The following AHCYL2 variants were observed in gnomAD, a reference collection of about 807,000 sequenced individuals.
AHCYL2 encodes the protein adenosylhomocysteinase like 2, also known as S-adenosylhomocysteine hydrolase-like protein 2.
In AHCYL2, 28 loss-of-function variants were observed where a neutral mutation model predicts 81.4. The ratio of observed to expected loss-of-function variants is 0.34; its 90% CI spans 0.25 to 0.47. The LOEUF is 0.47. AHCYL2 is among the 20% of genes least tolerant of loss of function. The pLI is 1.00. For synonymous variants in AHCYL2, 272 were observed against 290.2 expected, an observed-to-expected ratio of 0.94 and a Z score of 0.64; for missense variants, 551 against 785.1, an observed-to-expected ratio of 0.70 and a Z score of 3.56.
chr7:129,314,230 TCTAA>T (rs1310026790), intron 1 of AHCYL2, among the ~76,000 whole-genome samples: 1 of 152,228 alleles, frequency 6.6e-6, no homozygotes, highest in East Asian at 1.9e-4. Flanking sequence ...TCTCCTCAAG[TCTAA>T]CTATGGTTTT....
intron 1 of AHCYL2, among the ~76,000 whole-genome samples, chr7:129,379,261 CAGAGTA>C (rs1232089537): frequency 2.2e-5 from 3 of 139,396 alleles, no homozygotes; most frequent in African/African-American, 8.0e-5. Context: ...GCCTGGGTGA[CAGAGTA>C]AAAGTCCATC....
At chr7:129,424,308 G>T (rs549241674) in intron 13 of AHCYL2, among the ~76,000 whole-genome samples, 1 of 152,180 alleles carries the variant, frequency 6.6e-6, no homozygotes, top group Non-Finnish European at 1.5e-5. Flanking sequence ...GCTGAGGCAG[G>T]AGAATCACTT....
chr7:129,358,129 C>T (rs111401130), intron 1 of AHCYL2, among the ~76,000 whole-genome samples: 1,712 of 151,876 alleles, frequency 0.011, 35 homozygotes, highest in African/African-American at 0.038. Flanking sequence ...GGCGGTGGCT[C>T]ACCCCTGTAA....
intron 1 of AHCYL2, among the ~76,000 whole-genome samples, chr7:129,290,279 G>A (rs183504841): frequency 1.9e-4 from 29 of 152,074 alleles, no homozygotes; most frequent in East Asian, 5.9e-4. Context: ...CAAGGCGGGC[G>A]GATCACGAGG....
Position 129,378,186 on chromosome 7 carries a change from C to T in AHCYL2, c.364-1452C>T, listed in dbSNP as rs1008870306. ...AATTAGCTGGGCATGGTGGCACACA[C>T]CTGTACTCCCAGCTACTTGGGAGGC... On this transcript the variant is annotated intron_variant, in intron 1 of 16. Coordinates refer to ENST00000325006, the MANE Select transcript of AHCYL2 (RefSeq NM_015328.4). 8.5e-5 allele frequency among the ~76,000 whole-genome samples: 13 copies of T among 152,096 alleles called. No individual in the cohort carries two copies. The East Asian group carries it at 2.5e-3, about 29-fold the overall frequency.
chr7:129,387,794 A>G lies in AHCYL2; in HGVS notation c.476-1262A>G, dbSNP rs535406933. 1.5e-3 allele frequency among the ~76,000 whole-genome samples: 224 copies of G among 152,310 alleles called. 1 individual carries two copies. Among genetic ancestry groups the G allele is most frequent in the Admixed American group, 2.2e-3 (34 of 15,292 alleles). ...TTGTACAGATTAGCTCCTTTCAAGA[A>G]CAAAAGTCTCTTTGGGGATTTACTA... On this transcript the variant is annotated intron_variant, in intron 2 of 16. Transcript: ENST00000325006.
intron 15 of AHCYL2, among the ~76,000 whole-genome samples, chr7:129,425,356 T>C (rs1797314234): frequency 6.6e-6 from 1 of 152,218 alleles, no homozygotes; most frequent in African/African-American, 2.4e-5. Flanking sequence ...TGCTGTGATT[T>C]ATTTTACCTG....
intron 1 of AHCYL2, among the ~76,000 whole-genome samples, chr7:129,337,065 A>T (rs1014364785): frequency 6.6e-6 from 1 of 152,178 alleles, no homozygotes; most frequent in Non-Finnish European, 1.5e-5. Context: ...TTGTAAAGAA[A>T]TTATTTATAT....
At chr7:129,347,384 G>A (rs1048787746) in intron 1 of AHCYL2, among the ~76,000 whole-genome samples, 2 of 152,122 alleles carry the variant, frequency 1.3e-5, no homozygotes, top group Admixed American at 6.5e-5. Context: ...TGTCTTTGAC[G>A]GGCAGAGGGT....
At chr7:129,370,440 T>C (rs1794330644) in intron 1 of AHCYL2, among the ~76,000 whole-genome samples, 1 of 152,166 alleles carries the variant, frequency 6.6e-6, no homozygotes, top group African/African-American at 2.4e-5. Flanking sequence ...CTCACGCCTG[T>C]AATCCCAGCA....
chr7:129,345,205 T>A (rs1406741651), intron 1 of AHCYL2, among the ~76,000 whole-genome samples: 3 of 152,206 alleles, frequency 2.0e-5, no homozygotes, highest in African/African-American at 7.2e-5. Context: ...ATATGAGGTT[T>A]GCCTGGTGAT....
chr7:129,320,747 T>A (rs1343537004), intron 1 of AHCYL2, among the ~76,000 whole-genome samples: 1 of 152,222 alleles, frequency 6.6e-6, no homozygotes, highest in Non-Finnish European at 1.5e-5. Context: ...ATTTTTGCCA[T>A]CCTCTAAATA....
intron 2 of AHCYL2, among the ~76,000 whole-genome samples, chr7:129,383,925 A>G (rs756740754): frequency 1.3e-5 from 2 of 152,244 alleles, no homozygotes; most frequent in African/African-American, 4.8e-5. Context: ...TGTACCCAGC[A>G]TGGTGACTAT....
chr7:129,406,472 C>A lies in AHCYL2; in HGVS notation c.1295+6C>A. 1 of 1,613,188 alleles carries A rather than the reference C, an allele frequency of 6.2e-7. No homozygotes were observed. Among genetic ancestry groups the A allele is most frequent in the Non-Finnish European group, 8.5e-7 (1 of 1,179,240 alleles). On this transcript the variant is annotated splice_donor_region_variant and intron_variant, in intron 10 of 16. Coordinates refer to ENST00000325006, the MANE Select transcript of AHCYL2 (RefSeq NM_015328.4). This position sits in a 1 kb window ranked among gnomAD's most constrained non-coding sequence, Gnocchi z 4.3. The stretch of plus-strand genomic sequence containing the variant: ...ATCTGTGCCCTGCAAGCCTGGTAAG[C>A]CTCTACGCTACCATCTCACTTGCAA...
chr7:129,256,741 T>G (rs1322222713), intron 1 of AHCYL2, among the ~76,000 whole-genome samples: 2 of 152,132 alleles, frequency 1.3e-5, no homozygotes, highest in East Asian at 1.9e-4. Flanking sequence ...TGAACACCTA[T>G]GTGAATTATG....
intron 1 of AHCYL2, among the ~76,000 whole-genome samples, chr7:129,246,468 C>G (rs549883938): frequency 1.4e-4 from 21 of 152,232 alleles, no homozygotes; most frequent in African/African-American, 4.8e-4. Context: ...CACCCTCTGC[C>G]CCAGGTAACT....
At chr7:129,306,942 A>G (rs973440345) in intron 1 of AHCYL2, among the ~76,000 whole-genome samples, 1 of 152,128 alleles carries the variant, frequency 6.6e-6, no homozygotes, top group Non-Finnish European at 1.5e-5. Flanking sequence ...ACTTTCTTCC[A>G]AACAAACGGA....
intron 1 of AHCYL2, among the ~76,000 whole-genome samples, chr7:129,348,247 A>G (rs758796457): frequency 6.6e-6 from 1 of 152,214 alleles, no homozygotes; most frequent in African/African-American, 2.4e-5. Flanking sequence ...GTATATCTAT[A>G]AAATAGAACA....
chr7:129,378,825 C>T (rs1413498419), intron 1 of AHCYL2, among the ~76,000 whole-genome samples: 13 of 152,122 alleles, frequency 8.5e-5, no homozygotes, highest in Admixed American at 6.5e-4. Context: ...ATATATGGAG[C>T]TTACAAATAT....
Sources: gnomAD v4.1 joint callset for allele counts (sites outside exome capture counted in the v4.1 genomes callset) on GRCh38, gnomAD v4.1.1 for gene constraint, Gnocchi (gnomAD v3.1) non-coding constraint, MANE v1.5 for transcripts, NCBI Gene and HGNC (gene_info 2026-07-23, HGNC 2026-07-21) for gene names.